TPRG1: variants seen among roughly 807,000 people sequenced by gnomAD.
TPRG1 encodes the protein tumor protein p63 regulated 1.
A neutral mutation model predicts 29.3 loss-of-function variants in TPRG1; 29 were observed. The observed-to-expected ratio is 0.99, with a 90% CI of 0.74 to 1.35. TPRG1 has a LOEUF of 1.35. Ranked by LOEUF, TPRG1 falls within the 40% of genes most tolerant of loss-of-function variation. The pLI, the probability that TPRG1 is intolerant of heterozygous loss-of-function variation, is 0.00. For missense variants in TPRG1, 327 were observed against 335.0 expected (o/e 0.98, Z 0.19); for synonymous variants, 130 against 116.8 (o/e 1.11, Z -0.73).
chr3:189,256,693 A>T (rs968782176), intron 4 of TPRG1, among the ~76,000 whole-genome samples: 1 of 152,136 alleles, frequency 6.6e-6, no homozygotes, highest in African/African-American at 2.4e-5. Context: ...GTGCTCCTGT[A>T]TTGGGTGCAT....
chr3:189,232,865 C>G (rs1738885026), intron 3 of TPRG1, among the ~76,000 whole-genome samples: 1 of 152,200 alleles, frequency 6.6e-6, no homozygotes, highest in East Asian at 1.9e-4. Flanking sequence ...TTCCACGACT[C>G]CACTTAACTC....
At chr3:189,249,997 A>G (rs892999101) in intron 4 of TPRG1, among the ~76,000 whole-genome samples, 1 of 152,172 alleles carries the variant, frequency 6.6e-6, no homozygotes, top group African/African-American at 2.4e-5. Flanking sequence ...TATCATTCCC[A>G]TAAAATCCCA....
chr3:189,032,689 T>C (rs994241429), intron 4 of TPRG1, among the ~76,000 whole-genome samples: 11 of 151,590 alleles, frequency 7.3e-5, no homozygotes, highest in Admixed American at 1.3e-4. Context: ...GCTGGTGTGC[T>C]GCACCCGTTA....
At chr3:189,154,271 G>A (rs560172378) in intron 5 of TPRG1, among the ~76,000 whole-genome samples, 3 of 152,256 alleles carry the variant, frequency 2.0e-5, no homozygotes, top group East Asian at 1.9e-4. Flanking sequence ...CTTATTTTAC[G>A]ATTATAAAAA....
At chr3:189,104,010 A>C (rs1180055270) in intron 1 of TPRG1, among the ~76,000 whole-genome samples, 1 of 152,180 alleles carries the variant, frequency 6.6e-6, no homozygotes, top group African/African-American at 2.4e-5. Context: ...GGGTTAGGTG[A>C]GAAAACAGAA....
chr3:189,293,301 G>A lies in TPRG1; in HGVS notation c.480-17085G>A, dbSNP rs557040340. Among the ~76,000 whole-genome samples, 8 of 152,088 alleles carry A rather than the reference G, an allele frequency of 5.3e-5. No homozygotes were observed. In the South Asian group the frequency reaches 1.2e-3, roughly 24 times the overall value. ...CTGGAGGCTCTCCCCTCCCACTTCC[G>A]CTGTCACACACCAGGAACTATGCTG... On this transcript the variant is annotated intron_variant, in intron 4 of 5. Transcript: ENST00000345063.
intron 1 of TPRG1, among the ~76,000 whole-genome samples, chr3:189,104,206 T>G (rs977985294): frequency 3.3e-5 from 5 of 152,036 alleles, no homozygotes; most frequent in African/African-American, 7.2e-5. Flanking sequence ...ACTCAATAAA[T>G]AAAGAAAGAA....
chr3:189,021,756 T>G (rs1181408290), intron 3 of TPRG1, among the ~76,000 whole-genome samples: 2 of 152,170 alleles, frequency 1.3e-5, no homozygotes, highest in Non-Finnish European at 2.9e-5. Context: ...TTCTCTGTAT[T>G]TCCTGAATTT....
intron 4 of TPRG1, among the ~76,000 whole-genome samples, chr3:189,047,586 C>A (rs977240755): frequency 6.6e-6 from 1 of 152,172 alleles, no homozygotes; most frequent in Non-Finnish European, 1.5e-5. Context: ...TGAAAGATTT[C>A]TCTTTAGCAT....
chr3:189,222,338 G>C (rs534534014), intron 3 of TPRG1, among the ~76,000 whole-genome samples: 6 of 151,988 alleles, frequency 3.9e-5, no homozygotes, highest in African/African-American at 1.2e-4. Context: ...AAGGAAAAAG[G>C]TTAAAAAAAA....
intron 1 of TPRG1, among the ~76,000 whole-genome samples, chr3:189,107,166 C>T (rs930142279): frequency 2.0e-5 from 3 of 151,962 alleles, no homozygotes; most frequent in African/African-American, 7.3e-5. Context: ...TCCTGCAATA[C>T]CCTGACTTTT....
At chr3:189,284,361 C>A (rs1717687484) in intron 4 of TPRG1, among the ~76,000 whole-genome samples, 1 of 122,122 alleles carries the variant, frequency 8.2e-6, no homozygotes, top group East Asian at 2.9e-4. Flanking sequence ...CCCCTCCCCC[C>A]ACCCCACAAC....
intron 3 of TPRG1, among the ~76,000 whole-genome samples, chr3:189,146,705 T>C (rs748742653): frequency 1.3e-5 from 2 of 152,212 alleles, no homozygotes; most frequent in Non-Finnish European, 2.9e-5. Context: ...TACCCTGAGC[T>C]ATCCACAGTT....
At chr3:189,027,928 C>T (rs1194943186) in intron 4 of TPRG1, among the ~76,000 whole-genome samples, 2 of 151,966 alleles carry the variant, frequency 1.3e-5, no homozygotes. Flanking sequence ...GACGTAGTGG[C>T]CATTTTTTTT....
chr3:189,251,201 C>A (rs945754042), intron 4 of TPRG1, among the ~76,000 whole-genome samples: 35 of 152,050 alleles, frequency 2.3e-4, no homozygotes, highest in African/African-American at 8.5e-4. Flanking sequence ...CCGAGAAGAG[C>A]ACTATCAGAA....
intron 5 of TPRG1, among the ~76,000 whole-genome samples, chr3:189,162,324 A>T (rs9827054): frequency 1.1e-3 from 167 of 152,080 alleles, no homozygotes; most frequent in African/African-American, 3.8e-3. Flanking sequence ...AAGCAGGGGG[A>T]TAGCAGCTTG....
chr3:189,076,116 A>G (rs1717154156), intron 4 of TPRG1, among the ~76,000 whole-genome samples: 1 of 152,230 alleles, frequency 6.6e-6, no homozygotes, highest in Non-Finnish European at 1.5e-5. Context: ...ACTCATATCC[A>G]GGTATACTTG....
intron 3 of TPRG1, among the ~76,000 whole-genome samples, chr3:189,139,667 ATTTT>A (rs35742411): frequency 7.5e-6 from 1 of 134,010 alleles, no homozygotes; most frequent in Middle Eastern, 3.7e-3. Context: ...CAGCTGAAGG[ATTTT>A]TTTTTTTTTT....
At chr3:189,004,845 T>C (rs1489713450) in intron 3 of TPRG1, 1 of 152,126 alleles carries the variant, frequency 6.6e-6, no homozygotes, top group Non-Finnish European at 1.5e-5. Context: ...TACTGCCCAT[T>C]TTTTAAAATT....
Sources: allele counts gnomAD v4.1 joint callset (sites outside exome capture counted in the v4.1 genomes callset), GRCh38; gene constraint gnomAD v4.1.1; transcripts MANE v1.5; gene names NCBI Gene and HGNC (gene_info 2026-07-23, HGNC 2026-07-21).